Variants in HPGDS observed in about 807,000 individuals in gnomAD.
The protein encoded by HPGDS is hematopoietic prostaglandin D synthase, also known as GST class-sigma.
Under a neutral mutation model 23.1 loss-of-function variants are expected in HPGDS, and 26 were observed. The observed-to-expected ratio is 1.13, with a 90% CI of 0.83 to 1.56. HPGDS has a LOEUF of 1.56. Ranked by LOEUF, HPGDS falls within the 40% of genes most tolerant of loss-of-function variation. The pLI, the probability that HPGDS is intolerant of heterozygous loss-of-function variation, is 0.00. For missense variants in HPGDS, 268 were observed against 236.4 expected (o/e 1.13, Z -0.88); for synonymous variants, 95 against 77.9 (o/e 1.22, Z -1.16).
At chr4:94,310,168 C>T (rs1468669742) in intron 3 of HPGDS, among the ~76,000 whole-genome samples, 4 of 152,170 alleles carry the variant, frequency 2.6e-5, no homozygotes, top group Admixed American at 1.3e-4. Context: ...GCTTTTGTTG[C>T]CATTGCTTTT....
intron 4 of HPGDS, among the ~76,000 whole-genome samples, chr4:94,303,456 G>T (rs1048896701): frequency 3.3e-5 from 5 of 152,074 alleles, no homozygotes; most frequent in Non-Finnish European, 7.4e-5. Context: ...TCAGATAAGG[G>T]ATACTCAACA....
chr4:94,340,311 C>CTTTTTTTTTTTTTTTTTTTTTTT (rs869240610), intron 1 of HPGDS, among the ~76,000 whole-genome samples: 3 of 23,676 alleles, frequency 1.3e-4, no homozygotes, highest in African/African-American at 2.9e-4. Flanking sequence ...CTTTCTTTCT[C>CTTTTTTTTTTTTTTTTTTTTTTT]TTTTTTTTTT....
chr4:94,313,497 T>A lies in HPGDS; in HGVS notation c.226+4376A>T, dbSNP rs370283739. ...CTCTTCTGGCTTGTAGAGTTTCTGC[T>A]GAGAGATCAGCTGTTAGTCTGATGG... On this transcript the variant is annotated intron_variant, in intron 3 of 5. Transcript: ENST00000295256. Among the ~76,000 whole-genome samples, 3 of 152,364 alleles carry A rather than the reference T, an allele frequency of 2.0e-5. No individual in the cohort carries two copies. The South Asian group carries it at 6.2e-4, about 32-fold the overall frequency.
At chr4:94,316,601 C>T (rs1756403309) in intron 3 of HPGDS, among the ~76,000 whole-genome samples, 1 of 152,168 alleles carries the variant, frequency 6.6e-6, no homozygotes, top group Admixed American at 6.6e-5. Flanking sequence ...CTAATCAGAT[C>T]CAATCTATCC....
At position 94,340,311 on chromosome 4, in the gene HPGDS, C is replaced by CTTTTTCTTTTCTTTTTTTTTTT. The variant is rs1560598005; in HGVS notation, c.-10+2483_-10+2484insAAAAAAAAAAAGAAAAGAAAAA. Among the ~76,000 whole-genome samples, 31 of 23,678 alleles carry CTTTTTCTTTTCTTTTTTTTTTT rather than the reference C, an allele frequency of 1.3e-3. 6 individuals carry two copies. Among genetic ancestry groups the CTTTTTCTTTTCTTTTTTTTTTT allele is most frequent in the Non-Finnish European group, 2.2e-3 (25 of 11,510 alleles). The allele number at this position is 23,678 out of a possible 152,430, so 15.5% of individuals were successfully genotyped here. ...TTTCTTTCTTTCTTTCTTTCTTTCT[C>CTTTTTCTTTTCTTTTTTTTTTT]TTTTTTTTTTTTTTTTTTTTTTTTT... On this transcript the variant is annotated intron_variant, in intron 1 of 5. Coordinates refer to ENST00000295256, the MANE Select transcript of HPGDS (RefSeq NM_014485.3).
chr4:94,302,685 CT>C (rs1756066064), intron 4 of HPGDS, among the ~76,000 whole-genome samples: 1 of 151,984 alleles, frequency 6.6e-6, no homozygotes, highest in Non-Finnish European at 1.5e-5. Flanking sequence ...TTTGGCAGTT[CT>C]TCGTTTCACT....
At chr4:94,324,591 C>A (rs1308296854) in intron 2 of HPGDS, among the ~76,000 whole-genome samples, 2 of 152,160 alleles carry the variant, frequency 1.3e-5, no homozygotes, top group Non-Finnish European at 2.9e-5. Flanking sequence ...GTTCTCATCC[C>A]ATGGTTTTCA....
intron 2 of HPGDS, among the ~76,000 whole-genome samples, chr4:94,325,680 C>G (rs1364475504): frequency 6.6e-6 from 1 of 152,190 alleles, no homozygotes. Flanking sequence ...TTTCCAGATA[C>G]AGTCTGTCAT....
intron 4 of HPGDS, among the ~76,000 whole-genome samples, chr4:94,306,644 C>A (rs1001481105): frequency 6.6e-6 from 1 of 152,094 alleles, no homozygotes; most frequent in African/African-American, 2.4e-5. Context: ...CTTCATTTTA[C>A]ATTACTAGAC....
rs771286683 is a variant in HPGDS at position 94,334,621 on chromosome 4, G to A, written c.9C>T (p.Asn3=). 14 of 1,612,512 alleles carry A rather than the reference G, an allele frequency of 8.7e-6. No homozygotes were observed. In the African/African-American group the frequency reaches 1.2e-4, roughly 14 times the overall value. Residue 3 remains asparagine, a synonymous_variant, in exon 2 of 6, where the codon AAC becomes AAT. Transcript: ENST00000295256. ...TCATATTAAAATAAGTGAGTTTGTA[G>A]TTTGGCATGGTGCAATTCTGGAAAA... MP[N]YKLTYFNMRG...
chr4:94,324,825 G>A (rs1756596578), intron 2 of HPGDS, among the ~76,000 whole-genome samples: 1 of 152,186 alleles, frequency 6.6e-6, no homozygotes, highest in Non-Finnish European at 1.5e-5. Context: ...CGATCCTTTG[G>A]ACAAGAAGGG....
At chr4:94,305,143 C>T (rs1756117123) in intron 4 of HPGDS, among the ~76,000 whole-genome samples, 1 of 152,056 alleles carries the variant, frequency 6.6e-6, no homozygotes, top group Non-Finnish European at 1.5e-5. Context: ...GGCACATATG[C>T]TAACATTTAA....
chr4:94,303,143 A>G (rs1449359721), intron 4 of HPGDS, among the ~76,000 whole-genome samples: 2 of 152,172 alleles, frequency 1.3e-5, no homozygotes, highest in Non-Finnish European at 2.9e-5. Context: ...TTGCTGATTT[A>G]CTTGCTGTTA....
chr4:94,336,072 G>C (rs925646308), intron 1 of HPGDS, among the ~76,000 whole-genome samples: 14 of 152,050 alleles, frequency 9.2e-5, no homozygotes, highest in Non-Finnish European at 2.1e-4. Context: ...CAGGTGTGGT[G>C]GTGCGCGCCT....
chr4:94,302,454 A>T (rs1756062482), intron 4 of HPGDS, among the ~76,000 whole-genome samples: 1 of 152,100 alleles, frequency 6.6e-6, no homozygotes, highest in Admixed American at 6.6e-5. Flanking sequence ...TGGATTAAAA[A>T]AATAGTTTTG....
chr4:94,302,905 CA>C (rs1258230722), intron 4 of HPGDS, among the ~76,000 whole-genome samples: 1 of 152,016 alleles, frequency 6.6e-6, no homozygotes, highest in Non-Finnish European at 1.5e-5. Flanking sequence ...TAATTGTCAT[CA>C]TTTTTCTACT....
intron 2 of HPGDS, among the ~76,000 whole-genome samples, chr4:94,332,163 G>T (rs73836719): frequency 2.9e-3 from 447 of 152,228 alleles, no homozygotes; most frequent in African/African-American, 0.01. Flanking sequence ...TCGGAGGAGA[G>T]ATGACTTGAC....
chr4:94,325,904 C>T (rs1031821334), intron 2 of HPGDS, among the ~76,000 whole-genome samples: 1 of 152,058 alleles, frequency 6.6e-6, no homozygotes, highest in Non-Finnish European at 1.5e-5. Flanking sequence ...TGTTCCTATT[C>T]AGCCATCTTG....
chr4:94,315,123 C>T (rs1210122189), intron 3 of HPGDS, among the ~76,000 whole-genome samples: 1 of 152,218 alleles, frequency 6.6e-6, no homozygotes, highest in Non-Finnish European at 1.5e-5. Context: ...TCAGCTCATG[C>T]TCGGTGCACT....
Sources: gnomAD v4.1 joint callset for allele counts (sites outside exome capture counted in the v4.1 genomes callset) on GRCh38, gnomAD v4.1.1 for gene constraint, MANE v1.5 for transcripts, NCBI Gene and HGNC (gene_info 2026-07-23, HGNC 2026-07-21) for gene names.